The following SRGAP3 variants were observed in gnomAD, a reference collection of about 807,000 sequenced individuals.
The protein encoded by SRGAP3 is SLIT-ROBO Rho GTPase activating protein 3, also known as SLIT-ROBO Rho GTPase-activating protein 3.
In SRGAP3, 39 loss-of-function variants were observed where a neutral mutation model predicts 121.1. The ratio of observed to expected loss-of-function variants is 0.32; its 90% CI spans 0.25 to 0.42. SRGAP3 has a LOEUF of 0.42. Among genes scored for constraint, SRGAP3 ranks in the 10% least tolerant of loss-of-function variants. The pLI is 1.00. For synonymous variants in SRGAP3, 601 were observed against 570.0 expected (o/e 1.05, Z -0.77); for missense variants, 1,213 against 1,470.6 (o/e 0.82, Z 2.86).
rs1294932905 is a variant in SRGAP3 at position 9,060,197 on chromosome 3, C to T, written c.801+34G>A. The stretch of plus-strand genomic sequence containing the variant: ...TGACATGTGCCAGCCCTGGTGTGGG[C>T]CCTGCTCAGTCCCAGACTCCCCAGG... On this transcript the variant is annotated intron_variant, in intron 6 of 21. Coordinates refer to ENST00000383836, the MANE Select transcript of SRGAP3 (RefSeq NM_014850.4). 8 of 1,613,434 alleles carry T rather than the reference C, an allele frequency of 5.0e-6. No individual in the cohort carries two copies. In the Admixed American group the frequency reaches 1.2e-4, roughly 24 times the overall value.
chr3:9,029,747 G>T (rs547666911), intron 12 of SRGAP3, among the ~76,000 whole-genome samples: 8 of 152,288 alleles, frequency 5.3e-5, no homozygotes, highest in Admixed American at 5.2e-4. Flanking sequence ...CAGTAAAACT[G>T]TGCTGTAAAA....
chr3:9,345,171 A>C (rs528995474), intron 1 of SRGAP3, among the ~76,000 whole-genome samples: 16 of 152,202 alleles, frequency 1.1e-4, no homozygotes, highest in Non-Finnish European at 2.1e-4. Flanking sequence ...TGACTCAAAG[A>C]CTGGGAGAAC....
Position 9,359,893 on chromosome 3 carries a change from A to G in SRGAP3, n.214+2947T>C, listed in dbSNP as rs73126658. On this transcript the variant is annotated intron_variant and non_coding_transcript_variant, in intron 1 of 3. Transcript: ENST00000490889. ...TTTGGGTTGTTTCTACTTTTTGACT[A>G]AATCAATAAGGCCGCTAGGCACATT... is the stretch of plus-strand genomic sequence containing the variant. Among the ~76,000 whole-genome samples the G allele has an allele frequency of 2.8e-3, 428 of 152,316 alleles. 2 individuals are homozygous for G. The highest frequency in any genetic ancestry group is 9.6e-3 in the African/African-American group (397 of 41,570).
intron 1 of SRGAP3, among the ~76,000 whole-genome samples, chr3:9,183,897 C>T (rs1473042588): frequency 7.9e-5 from 12 of 151,648 alleles, no homozygotes. Flanking sequence ...GAAACTCAAT[C>T]CTCTGCGGCT....
intron 1 of SRGAP3, among the ~76,000 whole-genome samples, chr3:9,353,798 T>A (rs1422655423): frequency 1.3e-5 from 2 of 152,252 alleles, no homozygotes; most frequent in Non-Finnish European, 2.9e-5. Context: ...CAAAAGGTTT[T>A]CTTGGGGGAG....
Position 9,052,952 on chromosome 3 carries a change from G to C in SRGAP3, c.1323+75C>G. 4 of 1,562,756 alleles carry C rather than the reference G, an allele frequency of 2.6e-6. No individual in the cohort carries two copies. The South Asian group carries it at 4.5e-5, about 17-fold the overall frequency. The stretch of plus-strand genomic sequence containing the variant: ...CATGTGGTTTCTCTGGTTCTCAGTA[G>C]CTTGGGTTGCTCCTGAAAAGTCACT... On this transcript the variant is annotated intron_variant, in intron 9 of 21. Coordinates refer to ENST00000383836, the MANE Select transcript of SRGAP3 (RefSeq NM_014850.4).
chr3:9,211,825 A>C (rs1952456875), intron 1 of SRGAP3, among the ~76,000 whole-genome samples: 1 of 150,446 alleles, frequency 6.6e-6, no homozygotes, highest in African/African-American at 2.4e-5. Context: ...ACAGGTGCTC[A>C]TCAACATGCC....
Position 9,153,857 on chromosome 3 carries a change from G to A in SRGAP3, c.68-28940C>T, listed in dbSNP as rs137986301. On this transcript the variant is annotated intron_variant, in intron 1 of 21. Coordinates refer to ENST00000383836, the MANE Select transcript of SRGAP3 (RefSeq NM_014850.4). ...AGGGCAATTTTAGGGACTGTGGCCCGACAGGCTGACTTTGGAATTGAAACC... is the reference window on the plus strand; with the variant it reads ...AGGGCAATTTTAGGGACTGTGGCCCAACAGGCTGACTTTGGAATTGAAACC... 9.2e-4 allele frequency among the ~76,000 whole-genome samples: 140 copies of A among 152,186 alleles called. 2 individuals are homozygous for A. Among genetic ancestry groups the A allele is most frequent in the Admixed American group, 8.5e-4 (13 of 15,300 alleles).
chr3:9,320,376 T>G (rs1364263260), intron 3 of SRGAP3, among the ~76,000 whole-genome samples: 1 of 151,936 alleles, frequency 6.6e-6, no homozygotes, highest in Non-Finnish European at 1.5e-5. Context: ...GGTTGGATCA[T>G]GGAGGTGGAT....
chr3:9,211,386 G>C (rs1574876347), intron 1 of SRGAP3, among the ~76,000 whole-genome samples: 1 of 152,148 alleles, frequency 6.6e-6, no homozygotes, highest in African/African-American at 2.4e-5. Flanking sequence ...CTCATTCCAA[G>C]CTTCCCAAAC....
chr3:9,143,908 C>T (rs992657354), intron 1 of SRGAP3, among the ~76,000 whole-genome samples: 2 of 152,146 alleles, frequency 1.3e-5, no homozygotes. Flanking sequence ...TGTGTCCTAT[C>T]CGTTCTACCA....
intron 3 of SRGAP3, among the ~76,000 whole-genome samples, chr3:9,288,410 T>C (rs910339681): frequency 1.3e-5 from 2 of 152,206 alleles, no homozygotes; most frequent in Admixed American, 1.3e-4. Flanking sequence ...GTGCTGGGAT[T>C]GCAGGCATGA....
At chr3:9,137,604 C>T (rs1003874325) in intron 1 of SRGAP3, among the ~76,000 whole-genome samples, 4 of 152,142 alleles carry the variant, frequency 2.6e-5, no homozygotes, top group East Asian at 3.8e-4. Context: ...TATACATGCA[C>T]GGCTGAAGAA....
chr3:9,060,053 G>T, intron 6 of SRGAP3, 178 bp downstream of exon 6: 1 of 975,414 alleles, frequency 1.0e-6, no homozygotes, highest in Non-Finnish European at 1.6e-6. Flanking sequence ...GACACCACGA[G>T]GTAACATTCA....
chr3:9,144,539 G>A (rs1949961264), intron 1 of SRGAP3, among the ~76,000 whole-genome samples: 1 of 152,244 alleles, frequency 6.6e-6, no homozygotes, highest in Admixed American at 6.5e-5. Flanking sequence ...CCAGGAGGAG[G>A]TAGTTGAATC....
chr3:9,028,972 C>G (rs73144022), intron 12 of SRGAP3, among the ~76,000 whole-genome samples: 2,449 of 152,260 alleles, frequency 0.016, 58 homozygotes, highest in African/African-American at 0.056. Context: ...ACCTGTGCAG[C>G]AGGTCCATCT....
At chr3:9,111,782 A>G (rs1441391087) in intron 2 of SRGAP3, among the ~76,000 whole-genome samples, 1 of 152,194 alleles carries the variant, frequency 6.6e-6, no homozygotes, top group Admixed American at 6.5e-5. Flanking sequence ...GGAAGACATC[A>G]GAATGAATGA....
intron 1 of SRGAP3, among the ~76,000 whole-genome samples, chr3:9,179,632 GA>G (rs1397599594): frequency 6.6e-6 from 1 of 152,198 alleles, no homozygotes; most frequent in Admixed American, 6.5e-5. Context: ...TCACTCTCCT[GA>G]AGGCTTTGCT....
intron 21 of SRGAP3, among the ~76,000 whole-genome samples, chr3:8,987,755 C>T (rs2124911394): frequency 7.1e-6 from 1 of 139,962 alleles, no homozygotes; most frequent in East Asian, 2.4e-4. Flanking sequence ...GTGTTTTGTG[C>T]CTTATCCAAA....
Sources: allele counts gnomAD v4.1 joint callset (sites outside exome capture counted in the v4.1 genomes callset), GRCh38; gene constraint gnomAD v4.1.1; transcripts MANE v1.5; gene names NCBI Gene and HGNC (gene_info 2026-07-23, HGNC 2026-07-21).